Variants in GRK5 observed in about 807,000 individuals in gnomAD.
The protein encoded by GRK5 is G protein-coupled receptor kinase 5, also known as g protein-coupled receptor kinase GRK5.
A neutral mutation model predicts 78.4 loss-of-function variants in GRK5; 40 were observed. The ratio of observed to expected loss-of-function variants is 0.51; its 90% confidence interval spans 0.40 to 0.66. The LOEUF (loss-of-function observed/expected upper bound fraction) is 0.66. GRK5 is among the 30% of genes least tolerant of loss of function. GRK5 has a pLI of 0.00. For synonymous variants in GRK5, 289 were observed against 296.8 expected, an observed-to-expected ratio of 0.97 and a Z score of 0.27; for missense variants, 598 against 759.9, an observed-to-expected ratio of 0.79 and a Z score of 2.50.
intron 2 of GRK5, among the ~76,000 whole-genome samples, chr10:119,349,952 C>T (rs1045172280): frequency 6.6e-6 from 1 of 152,256 alleles, no homozygotes; most frequent in Admixed American, 6.5e-5. Context: ...GCGCTTTTCA[C>T]ACTCCCTGAG....
chr10:119,416,175 T>C (rs1014628543), intron 4 of GRK5, among the ~76,000 whole-genome samples: 2 of 152,218 alleles, frequency 1.3e-5, no homozygotes, highest in African/African-American at 4.8e-5. Context: ...GGGATGTTAA[T>C]ACAGGGAGAT....
At position 119,372,650 on chromosome 10, in the gene GRK5, A is replaced by G. The variant is rs188981559; in HGVS notation, c.149-8165A>G. 5.4e-4 allele frequency among the ~76,000 whole-genome samples: 83 copies of G among 152,296 alleles called. 2 individuals carry two copies. Among genetic ancestry groups the G allele is most frequent in the African/African-American group, 1.9e-3 (81 of 41,560 alleles). Reference sequence around the variant, plus strand: ...GATCCAGGTCTCAAACATCATCAGGACACTATTTATTATTCTACTTTCTAC... The same window carrying G: ...GATCCAGGTCTCAAACATCATCAGGGCACTATTTATTATTCTACTTTCTAC... On this transcript the variant is annotated intron_variant, in intron 2 of 15. Transcript: ENST00000392870.
At chr10:119,299,065 G>C (rs1850130770) in intron 1 of GRK5, among the ~76,000 whole-genome samples, 1 of 152,198 alleles carries the variant, frequency 6.6e-6, no homozygotes, top group Non-Finnish European at 1.5e-5. Context: ...CATCTTCAGT[G>C]CCAAGAATAG....
At position 119,380,793 on chromosome 10, in the gene GRK5, ATTC is replaced by A. The variant is rs749033616; in HGVS notation, c.149-16_149-14del. The stretch of plus-strand genomic sequence containing the variant: ...CTGGCCTTCTCCTGGGTCTCATCAC[ATTC>A]TTCTTTTCTTGTCTCCAGACAGAGA... On this transcript the variant is annotated intron_variant, in intron 2 of 15. Transcript: ENST00000392870. 6 of 1,499,532 alleles carry A rather than the reference ATTC, an allele frequency of 4.0e-6. No homozygotes were observed. The highest frequency in any genetic ancestry group is 5.6e-6 in the Non-Finnish European group (6 of 1,077,428). 92.9% of individuals were successfully genotyped at this position (1,499,532 alleles called of 1,614,324 possible).
chr10:119,388,031 G>A (rs1851829072), intron 3 of GRK5, among the ~76,000 whole-genome samples: 1 of 151,148 alleles, frequency 6.6e-6, no homozygotes, highest in Admixed American at 6.6e-5. Context: ...GCTTACCGTA[G>A]CCTCAAACTC....
chr10:119,241,583 G>C (rs1027962376), intron 1 of GRK5, among the ~76,000 whole-genome samples: 12 of 152,210 alleles, frequency 7.9e-5, no homozygotes, highest in Non-Finnish European at 1.3e-4. Flanking sequence ...AATTGGCATA[G>C]TGGTGGGCAC....
Position 119,390,987 on chromosome 10 carries a change from GCCCC to G in GRK5, c.262-5705_262-5702del, listed in dbSNP as rs1851880344. 2.6e-5 allele frequency among the ~76,000 whole-genome samples: 4 copies of G among 151,254 alleles called. No homozygotes were observed. In the South Asian group the frequency reaches 8.3e-4, roughly 31 times the overall value. ...CCCCTCCACCACGTGGAGAGATGCA[GCCCC>G]CCTTCCCTCCTGCCTTCTCTTCAGT... On this transcript the variant is annotated intron_variant, in intron 3 of 15. Coordinates refer to ENST00000392870, the MANE Select transcript of GRK5 (RefSeq NM_005308.3).
rs903205958 is a variant in GRK5, at chr10:119,452,911, A to G, written c.1542+103A>G. ...AGTTTGGCGGCAGGAGGCTGAGCGC[A>G]TGGTTTCTGTTTTCTCCATGAAGGC... On this transcript the variant is annotated intron_variant, in intron 14 of 15. Coordinates refer to ENST00000392870, the MANE Select transcript of GRK5 (RefSeq NM_005308.3). This position sits in a 1 kb window ranked among gnomAD's most constrained non-coding sequence, Gnocchi z 4.4. The G allele has an allele frequency of 3.6e-5, 49 of 1,363,248 alleles. No homozygotes were observed. Among genetic ancestry groups the G allele is most frequent in the Non-Finnish European group, 4.8e-5 (47 of 979,646 alleles). The allele number at this position is 1,363,248 out of a possible 1,614,324, so 84.4% of individuals were successfully genotyped here.
chr10:119,417,585 G>A (rs1438392777), intron 4 of GRK5, among the ~76,000 whole-genome samples: 6 of 152,022 alleles, frequency 3.9e-5, no homozygotes, highest in Non-Finnish European at 7.4e-5. Context: ...AAATTCCAAG[G>A]CCTCCCGTGC....
At chr10:119,279,592 G>A (rs532369871) in intron 1 of GRK5, among the ~76,000 whole-genome samples, 48 of 152,362 alleles carry the variant, frequency 3.2e-4, no homozygotes, top group Middle Eastern at 6.8e-3. Context: ...CCTGTTGATG[G>A]TGTGTCCTTC....
chr10:119,260,957 G>A (rs1849375491), intron 1 of GRK5, among the ~76,000 whole-genome samples: 2 of 151,436 alleles, frequency 1.3e-5, no homozygotes, highest in African/African-American at 4.9e-5. Flanking sequence ...GGGCAGAGGG[G>A]CTCCTCACTT....
chr10:119,395,785 T>A (rs1264602087), intron 3 of GRK5, among the ~76,000 whole-genome samples: 5 of 152,226 alleles, frequency 3.3e-5, no homozygotes, highest in East Asian at 3.9e-4. Context: ...AGTCCTAAAT[T>A]CTGTGGTGTG....
intron 3 of GRK5, among the ~76,000 whole-genome samples, chr10:119,395,236 G>A (rs1852026637): frequency 6.6e-6 from 1 of 152,194 alleles, no homozygotes; most frequent in Admixed American, 6.5e-5. Flanking sequence ...GTTTCTTCAT[G>A]GGAGAAAATC....
chr10:119,409,036 C>T (rs972539301), intron 4 of GRK5, among the ~76,000 whole-genome samples: 4 of 152,140 alleles, frequency 2.6e-5, no homozygotes, highest in Non-Finnish European at 5.9e-5. Flanking sequence ...GCAGCAAGGC[C>T]GGGGAATGAG....
At chr10:119,208,809 A>AGG (rs376756082) in intron 1 of GRK5, among the ~76,000 whole-genome samples, 1 of 151,634 alleles carries the variant, frequency 6.6e-6, no homozygotes, top group Non-Finnish European at 1.5e-5. Context: ...AACAGAAAAA[A>AGG]GGGGGGGGAG....
intron 1 of GRK5, among the ~76,000 whole-genome samples, chr10:119,221,567 T>G (rs558139955): frequency 3.0e-4 from 46 of 152,344 alleles, no homozygotes; most frequent in Admixed American, 2.9e-3. Context: ...TTTTATAATA[T>G]ATTTAACCAA....
intron 2 of GRK5, among the ~76,000 whole-genome samples, chr10:119,339,256 C>T (rs1017047892): frequency 1.3e-5 from 2 of 152,164 alleles, no homozygotes; most frequent in South Asian, 2.1e-4. Context: ...CTCGTTTGTG[C>T]GGGGGACCTC....
rs142991671 is a variant in GRK5, at chr10:119,457,668, G to A, written c.*2601G>A. 16 of 145,928 alleles carry A rather than the reference G, an allele frequency of 1.1e-4. No individual in the cohort carries two copies. The highest frequency in any genetic ancestry group is 4.0e-4 in the African/African-American group (16 of 39,800). The allele number at this position is 145,928 out of a possible 1,614,324, so 9.0% of individuals were successfully genotyped here. On this transcript the variant is annotated 3_prime_UTR_variant, in exon 16 of 16. Coordinates refer to ENST00000392870, the MANE Select transcript of GRK5 (RefSeq NM_005308.3). ...CCTGACTCGCTCCTCCTCCAACCTT[G>A]GTTTCTATAGCTGCATTTTTTTTTT...
chr10:119,261,045 C>CG (rs1849379979), intron 1 of GRK5, among the ~76,000 whole-genome samples: 1 of 116,652 alleles, frequency 8.6e-6, no homozygotes, highest in African/African-American at 3.1e-5. Flanking sequence ...CTGACCCCCC[C>CG]ACCTCCCTCC....
Sources: allele counts gnomAD v4.1 joint callset (sites outside exome capture counted in the v4.1 genomes callset), GRCh38; gene constraint gnomAD v4.1.1; non-coding constraint Gnocchi (gnomAD v3.1); transcripts MANE v1.5; gene names NCBI Gene and HGNC (gene_info 2026-07-23, HGNC 2026-07-21).